The following TMEM39B variants were observed in gnomAD, a reference collection of about 807,000 sequenced individuals.
TMEM39B encodes transmembrane protein 39B.
Under a neutral mutation model 52.2 loss-of-function variants are expected in TMEM39B, and 23 were observed. That is an observed-to-expected ratio of 0.44 (90% CI 0.32 to 0.62). The LOEUF is 0.62. TMEM39B is among the 20% of genes least tolerant of loss of function. The pLI is 0.06. For missense variants in TMEM39B, 547 were observed against 642.0 expected (o/e 0.85, Z 1.60); for synonymous variants, 285 against 264.0 (o/e 1.08, Z -0.77).
intron 6 of TMEM39B, among the ~76,000 whole-genome samples, chr1:32,093,849 C>T (rs534376678): frequency 1.4e-5 from 2 of 147,832 alleles, no homozygotes; most frequent in South Asian, 2.2e-4. Flanking sequence ...GACAGAGTCT[C>T]GCTCTGTTGC....
intron 7 of TMEM39B, among the ~76,000 whole-genome samples, chr1:32,097,157 C>T (rs1034017119): frequency 2.6e-5 from 4 of 152,040 alleles, no homozygotes; most frequent in Admixed American, 6.6e-5. Context: ...TATATATACT[C>T]ATGTAACCCA....
intron 5 of TMEM39B, among the ~76,000 whole-genome samples, chr1:32,078,341 G>C (rs1285803181): frequency 6.6e-6 from 1 of 152,006 alleles, no homozygotes; most frequent in African/African-American, 2.4e-5. Flanking sequence ...AAACTAGCCA[G>C]GTGTGGTGAG....
intron 7 of TMEM39B, among the ~76,000 whole-genome samples, chr1:32,095,315 T>C (rs1414034140): frequency 2.6e-5 from 4 of 152,232 alleles, no homozygotes; most frequent in African/African-American, 7.2e-5. Flanking sequence ...CGTCACCTAC[T>C]CTTTCAGCAG....
chr1:32,102,651 A>T lies in TMEM39B; in HGVS notation c.1457A>T (p.Asp486Val). ...TCATACTCTGCTAGCCCCCAGAGAG[A>T]CCTGGACCACCGTTTCTCCTGAGCC... ...AYSYSASPQR[D>V]LDHRFS Residue 486 changes from aspartate (D) to valine (V), a missense_variant, in exon 9 of 9, where the codon GAC becomes GTC. Transcript: ENST00000336294. 1 of 1,586,274 alleles carries T rather than the reference A, an allele frequency of 6.3e-7. No homozygotes were observed.
intron 5 of TMEM39B, among the ~76,000 whole-genome samples, chr1:32,082,655 C>A (rs1640154839): frequency 6.6e-6 from 1 of 151,898 alleles, no homozygotes. Context: ...GGGGTTTCGC[C>A]ATGTTTGCCA....
intron 5 of TMEM39B, among the ~76,000 whole-genome samples, chr1:32,085,886 T>G (rs563110140): frequency 6.6e-6 from 1 of 152,288 alleles, no homozygotes; most frequent in South Asian, 2.1e-4. Flanking sequence ...AATGAAGGAC[T>G]GAGTAGCAGG....
intron 5 of TMEM39B, 120 bp from the exon 6 acceptor site, chr1:32,091,555 C>T: frequency 2.6e-6 from 3 of 1,147,878 alleles, no homozygotes; most frequent in South Asian, 1.6e-5. Context: ...CTGGTAAATT[C>T]TCCCCTCTGG....
At chr1:32,075,563 C>T (rs574085330) in intron 2 of TMEM39B, 40 bp from the exon 3 acceptor site, 15 of 1,528,736 alleles carry the variant, frequency 9.8e-6, no homozygotes, top group African/African-American at 9.6e-5. Flanking sequence ...TGGTAGGATT[C>T]TCAGGTCAGC....
At position 32,075,037 on chromosome 1, in the gene TMEM39B, A is replaced by T. The variant is rs764757363; in HGVS notation, c.91A>T (p.Thr31Ser). ...CTCGGGGGGCTCTAGTGGAAGCCAC[A>T]CTTCCAGTGCATCGGTGACCAGTGT... ...GSSGGSSGSHTSSASVTSVRS... is the reference protein window; with the variant it reads ...GSSGGSSGSHSSSASVTSVRS... Residue 31 changes from threonine to serine, a missense_variant, in exon 2 of 9, where the codon ACT (threonine) becomes TCT (serine). Physicochemically the swap from Thr to Ser is moderately conservative, Grantham distance 58. Coordinates refer to ENST00000336294, the MANE Select transcript of TMEM39B (RefSeq NM_018056.4). The T allele has an allele frequency of 1.9e-6, 3 of 1,551,446 alleles. No homozygotes were observed. Among genetic ancestry groups the T allele is most frequent in the Non-Finnish European group, 2.6e-6 (3 of 1,146,946 alleles).
chr1:32,073,947 C>T, intron 1 of TMEM39B: 3 of 954,386 alleles, frequency 3.1e-6, no homozygotes, highest in Non-Finnish European at 3.7e-6. Context: ...CCGGGTTTCG[C>T]CATGTTGCCC....
chr1:32,090,920 G>A (rs1569918130), intron 5 of TMEM39B, among the ~76,000 whole-genome samples: 1 of 151,976 alleles, frequency 6.6e-6, no homozygotes, highest in African/African-American at 2.4e-5. Flanking sequence ...GATTACAGGC[G>A]TGAGCCACTG....
At chr1:32,093,261 A>G (rs1640678258) in intron 6 of TMEM39B, among the ~76,000 whole-genome samples, 2 of 150,754 alleles carry the variant, frequency 1.3e-5, no homozygotes, top group Non-Finnish European at 3.0e-5. Flanking sequence ...ACCACACCCA[A>G]CTAATTTCTG....
intron 5 of TMEM39B, among the ~76,000 whole-genome samples, chr1:32,091,401 C>T (rs974253741): frequency 2.0e-5 from 3 of 152,210 alleles, no homozygotes; most frequent in Admixed American, 6.5e-5. Context: ...CCCTAGGCTG[C>T]GAGTGCAGGG....
At position 32,077,461 on chromosome 1, in the gene TMEM39B, C is replaced by G. The variant is rs929076677; in HGVS notation, c.590+143C>G. ...CTCTCACATTGTCAGATGACACTCA[C>G]TCACTGAGGTCAGGATAATTAGCCT... On this transcript the variant is annotated intron_variant, in intron 5 of 8. Coordinates refer to ENST00000336294, the MANE Select transcript of TMEM39B (RefSeq NM_018056.4). 6.5e-6 allele frequency: 7 copies of G among 1,081,330 alleles called. No homozygotes were observed. The African/African-American group carries it at 1.1e-4, about 17-fold the overall frequency. The allele number at this position is 1,081,330 out of a possible 1,614,324, so 67.0% of individuals were successfully genotyped here.
In TMEM39B at chr1:32,077,285, A is replaced by G; in HGVS notation, c.557A>G (p.Tyr186Cys). 6.2e-7 allele frequency: 1 copy of G among 1,613,290 alleles called. No individual in the cohort carries two copies. Among genetic ancestry groups the G allele is most frequent in the Non-Finnish European group, 8.5e-7 (1 of 1,179,820 alleles). Residue 186 changes from tyrosine (Y) to cysteine (C), a missense_variant, in exon 5 of 9, where the codon TAC (tyrosine) becomes TGC (cysteine). Coordinates refer to ENST00000336294, the MANE Select transcript of TMEM39B (RefSeq NM_018056.4). ...TCCCTCATCCACCTCTTCAGGACCT[A>G]CTCCTTCCTGAACCTCCTGTTCCTC... ...CRSLIHLFRTYSFLNLLFLCY... is the reference protein window; with the variant it reads ...CRSLIHLFRTCSFLNLLFLCY...
intron 1 of TMEM39B, chr1:32,073,656 A>G (rs1639734757): frequency 1.0e-6 from 1 of 985,716 alleles, no homozygotes; most frequent in Non-Finnish European, 1.2e-6. Flanking sequence ...GGGATTTTCT[A>G]AGCCAAGTAT....
chr1:32,094,873 G>A lies in TMEM39B; in HGVS notation c.1017G>A (p.Leu339=), dbSNP rs1284133704. 1 of 1,614,162 alleles carries A rather than the reference G, an allele frequency of 6.2e-7. No homozygotes were observed. Among genetic ancestry groups the A allele is most frequent in the Admixed American group, 1.7e-5 (1 of 60,032 alleles). The change falls in exon 7 of 9, where the codon CTG becomes CTA. Residue 339 remains leucine (L), a synonymous_variant. Coordinates refer to ENST00000336294, the MANE Select transcript of TMEM39B (RefSeq NM_018056.4). The stretch of plus-strand genomic sequence containing the variant: ...CCGTGATCCTCATGCAGCACCTGCT[G>A]CCTGCCAGCTACTGTGACCTGCTGC... ...STSVILMQHL[L]PASYCDLLHK...
chr1:32,077,557 C>G (rs768018477), intron 5 of TMEM39B, among the ~76,000 whole-genome samples: 1 of 152,204 alleles, frequency 6.6e-6, no homozygotes, highest in Admixed American at 6.5e-5. Flanking sequence ...GAATGGGACT[C>G]AGATCTGCAT....
chr1:32,075,587 C>T lies in TMEM39B; in HGVS notation c.132-16C>T, dbSNP rs116073132. The T allele has an allele frequency of 1.2e-3, 1,798 of 1,541,488 alleles. 19 individuals are homozygous for T. In the African/African-American group the frequency reaches 0.023, roughly 19 times the overall value. ...TCTCAGGTCAGCTGCTGATGTTGTT[C>T]CCTCCCCACTGTCAGGAGCAGTTCT... On this transcript the variant is annotated splice_polypyrimidine_tract_variant and intron_variant, in intron 2 of 8. Coordinates refer to ENST00000336294, the MANE Select transcript of TMEM39B (RefSeq NM_018056.4).
Sources: allele counts gnomAD v4.1 joint callset (sites outside exome capture counted in the v4.1 genomes callset), GRCh38; gene constraint gnomAD v4.1.1; transcripts MANE v1.5; gene names NCBI Gene and HGNC (gene_info 2026-07-23, HGNC 2026-07-21).